RALGPS1: variants seen among roughly 807,000 people sequenced by gnomAD.
The protein encoded by RALGPS1 is Ral GEF with PH domain and SH3 binding motif 1.
In RALGPS1, 19 loss-of-function variants were observed where a neutral mutation model predicts 78.8. The ratio of observed to expected loss-of-function variants is 0.24; its 90% CI spans 0.17 to 0.35. The LOEUF (loss-of-function observed/expected upper bound fraction) is 0.35. Ranked by LOEUF, RALGPS1 falls within the 10% of genes least tolerant of loss-of-function variation. The pLI, the probability that RALGPS1 is intolerant of heterozygous loss-of-function variation, is 1.00. For synonymous variants in RALGPS1, 228 were observed against 256.3 expected (o/e 0.89, Z 1.06); for missense variants, 454 against 688.3 (o/e 0.66, Z 3.81).
At chr9:126,948,154 T>TG (rs2037460917) in intron 1 of RALGPS1, among the ~76,000 whole-genome samples, 1 of 152,196 alleles carries the variant, frequency 6.6e-6, no homozygotes, top group Admixed American at 6.5e-5. Flanking sequence ...AGAGCAGACT[T>TG]GCCTTTTATA....
chr9:127,123,943 T>C (rs2056398899), intron 8 of RALGPS1, among the ~76,000 whole-genome samples: 1 of 152,072 alleles, frequency 6.6e-6, no homozygotes, highest in Non-Finnish European at 1.5e-5. Context: ...TAAAAAGGTG[T>C]TAGTGATGAT....
intron 1 of RALGPS1, among the ~76,000 whole-genome samples, chr9:126,931,129 A>G (rs949247980): frequency 6.6e-6 from 1 of 152,228 alleles, no homozygotes; most frequent in African/African-American, 2.4e-5. Flanking sequence ...CGAGAGCTCT[A>G]GCCTTTCCAT....
At chr9:127,181,773 G>C (rs1252919974) in intron 11 of RALGPS1, among the ~76,000 whole-genome samples, 1 of 152,048 alleles carries the variant, frequency 6.6e-6, no homozygotes, top group Non-Finnish European at 1.5e-5. Flanking sequence ...GCAACTGGGG[G>C]AGAGGATACA....
intron 8 of RALGPS1, among the ~76,000 whole-genome samples, chr9:127,116,652 G>C (rs1304681541): frequency 6.6e-6 from 1 of 152,212 alleles, no homozygotes; most frequent in Non-Finnish European, 1.5e-5. Flanking sequence ...ACTTTCTTGG[G>C]AAGTCCAGGC....
At chr9:127,187,835 G>A (rs2140336852) in intron 11 of RALGPS1, among the ~76,000 whole-genome samples, 1 of 152,288 alleles carries the variant, frequency 6.6e-6, no homozygotes, top group East Asian at 1.9e-4. Flanking sequence ...TGCACGAGAT[G>A]TTTCCTTTGG....
Position 127,166,141 on chromosome 9 carries a change from A to G in RALGPS1, c.683A>G (p.Gln228Arg). Reference protein sequence around the residue: ...PASGSIMENEQRSNQMNNILR... With the variant: ...PASGSIMENERRSNQMNNILR... ...TCAGGCAGTATCATGGAAAATGAAC[A>G]AAGATCCAATCAGATGAACAATATT... Residue 228 changes from glutamine to arginine, a missense_variant, in exon 9 of 19, where the codon CAA becomes CGA. Physicochemically the swap from Gln to Arg is conservative, Grantham distance 43. Transcript: ENST00000259351. The G allele has an allele frequency of 2.5e-6, 4 of 1,613,876 alleles. No homozygotes were observed. Among genetic ancestry groups the G allele is most frequent in the Non-Finnish European group, 3.4e-6 (4 of 1,179,972 alleles).
chr9:127,202,060 G>A lies in RALGPS1; in HGVS notation c.1247+2994G>A, dbSNP rs747857629. Among the ~76,000 whole-genome samples the A allele has an allele frequency of 4.6e-5, 7 of 152,186 alleles. 1 individual carries two copies. The highest frequency in any genetic ancestry group is 1.4e-4 in the African/African-American group (6 of 41,432). ...CGCCCCACAGCTCTGAAGCGCAGGG[G>A]CCACACTCTTCTATTGAAGATTGCC... On this transcript the variant is annotated intron_variant, in intron 14 of 18. Coordinates refer to ENST00000259351, the MANE Select transcript of RALGPS1 (RefSeq NM_014636.3).
chr9:127,066,424 T>C (rs1219134955), intron 7 of RALGPS1, among the ~76,000 whole-genome samples: 1 of 152,196 alleles, frequency 6.6e-6, no homozygotes, highest in Non-Finnish European at 1.5e-5. Context: ...GCGGATCAGC[T>C]GAGATCAGGA....
chr9:127,136,830 A>G (rs1319885353), intron 8 of RALGPS1, among the ~76,000 whole-genome samples: 1 of 152,114 alleles, frequency 6.6e-6, no homozygotes, highest in Non-Finnish European at 1.5e-5. Flanking sequence ...TCCAAACCCA[A>G]GCTCTTTTCT....
intron 4 of RALGPS1, among the ~76,000 whole-genome samples, chr9:127,033,172 T>C (rs991868239): frequency 1.3e-5 from 2 of 152,170 alleles, no homozygotes; most frequent in African/African-American, 2.4e-5. Flanking sequence ...TGTGTTCTCT[T>C]GTGTGGGTGA....
At position 127,221,524 on chromosome 9, in the gene RALGPS1, C is replaced by T. The variant is rs921565446; in HGVS notation, c.*2755C>T. 5.3e-5 allele frequency: 8 copies of T among 152,144 alleles called. No homozygotes were observed. Among genetic ancestry groups the T allele is most frequent in the African/African-American group, 1.9e-4 (8 of 41,422 alleles). 9.4% of individuals were successfully genotyped at this position (152,144 alleles called of 1,614,324 possible). A position where few individuals can be genotyped will look rare whatever the true frequency, so the allele number is the denominator to read the frequency against. On this transcript the variant is annotated 3_prime_UTR_variant, in exon 19 of 19. Coordinates refer to ENST00000259351, the MANE Select transcript of RALGPS1 (RefSeq NM_014636.3). The stretch of plus-strand genomic sequence containing the variant: ...TCTCTCTCAGTTGAACATGTTTTGT[C>T]ATTCAAGATCAGTCAGGTGCATTCT...
At chr9:127,042,065 C>A (rs2047366040) in intron 5 of RALGPS1, among the ~76,000 whole-genome samples, 1 of 152,146 alleles carries the variant, frequency 6.6e-6, no homozygotes, top group Non-Finnish European at 1.5e-5. Context: ...GTAGATTTTT[C>A]ATAAGAAATA....
At chr9:126,916,066 C>T (rs922272018) in intron 1 of RALGPS1, among the ~76,000 whole-genome samples, 5 of 152,106 alleles carry the variant, frequency 3.3e-5, no homozygotes, top group African/African-American at 1.2e-4. Flanking sequence ...CTCCCAGGGG[C>T]CTGGTGAGGA....
chr9:127,197,657 T>C lies in RALGPS1; in HGVS notation c.1195+1026T>C, dbSNP rs182925209. On this transcript the variant is annotated intron_variant, in intron 13 of 18. Transcript: ENST00000259351. ...GACAAGCATGTTCTGTGTCTGCCTC[T>C]GTCCTCAGAGGAGGTCATCCTGTTT... is the stretch of plus-strand genomic sequence containing the variant. Among the ~76,000 whole-genome samples the C allele has an allele frequency of 4.6e-5, 7 of 152,284 alleles. No individual in the cohort carries two copies. In the East Asian group the frequency reaches 1.4e-3, roughly 29 times the overall value.
chr9:127,111,637 C>T (rs775336962), intron 8 of RALGPS1, among the ~76,000 whole-genome samples: 3 of 152,172 alleles, frequency 2.0e-5, no homozygotes, highest in African/African-American at 4.8e-5. Context: ...GACCAAGGTC[C>T]GCTATATACC....
At chr9:127,037,064 ATTT>A (rs1287835545) in intron 5 of RALGPS1, among the ~76,000 whole-genome samples, 1 of 152,236 alleles carries the variant, frequency 6.6e-6, no homozygotes, top group Non-Finnish European at 1.5e-5. Context: ...GGTAGTCCTC[ATTT>A]ATAAAACAGG....
At chr9:127,170,396 A>G (rs2059509716) in intron 10 of RALGPS1, among the ~76,000 whole-genome samples, 1 of 152,236 alleles carries the variant, frequency 6.6e-6, no homozygotes, top group Non-Finnish European at 1.5e-5. Context: ...CAACATAGAC[A>G]TAATGCTTTT....
At chr9:127,028,946 C>G (rs1268548394) in intron 4 of RALGPS1, among the ~76,000 whole-genome samples, 1 of 152,034 alleles carries the variant, frequency 6.6e-6, no homozygotes, top group Non-Finnish European at 1.5e-5. Flanking sequence ...GAGCTCACTC[C>G]TGAGACCAGA....
At chr9:127,174,076 A>G (rs1361413211) in intron 10 of RALGPS1, among the ~76,000 whole-genome samples, 1 of 151,964 alleles carries the variant, frequency 6.6e-6, no homozygotes, top group Admixed American at 6.6e-5. Flanking sequence ...CCTGGCCAAC[A>G]TGGTGGAACC....
Sources: allele counts gnomAD v4.1 joint callset (sites outside exome capture counted in the v4.1 genomes callset), GRCh38; gene constraint gnomAD v4.1.1; transcripts MANE v1.5; gene names NCBI Gene and HGNC (gene_info 2026-07-23, HGNC 2026-07-21).